The following NRAP variants were observed in gnomAD, a reference collection of about 807,000 sequenced individuals.
The protein encoded by NRAP is nebulin related anchoring protein, also known as nebulin-related-anchoring protein.
A neutral mutation model predicts 225.9 loss-of-function variants in NRAP; 189 were observed. That is an observed-to-expected ratio of 0.84 (90% CI 0.74 to 0.94). The LOEUF (loss-of-function observed/expected upper bound fraction) is 0.94. NRAP is among the 40% of genes least tolerant of loss of function. The pLI is 0.00. For missense variants in NRAP, 2,176 were observed against 2,168.7 expected (o/e 1.00, Z -0.07); for synonymous variants, 769 against 790.7 (o/e 0.97, Z 0.46).
chr10:113,626,219 A>C lies in NRAP; in HGVS notation c.2146-74T>G, dbSNP rs554381835. The C allele has an allele frequency of 1.3e-3, 1,073 of 850,204 alleles. 5 individuals carry two copies. Among genetic ancestry groups the C allele is most frequent in the African/African-American group, 6.1e-3 (359 of 58,662 alleles). 52.7% of individuals were successfully genotyped at this position (850,204 alleles called of 1,614,324 possible). ...TACCACCCTACTCATGTGCCCCCAC[A>C]CACACACACATTCTTTCTGTGGTCC... On this transcript the variant is annotated intron_variant, in intron 20 of 41. Transcript: ENST00000359988.
intron 14 of NRAP, among the ~76,000 whole-genome samples, chr10:113,635,014 G>A (rs1848787076): frequency 6.6e-6 from 1 of 152,172 alleles, no homozygotes; most frequent in Admixed American, 6.5e-5. Flanking sequence ...TTTCGTAGAA[G>A]ATGCAGGTTC....
intron 9 of NRAP, among the ~76,000 whole-genome samples, chr10:113,648,425 C>G (rs960066278): frequency 1.7e-5 from 2 of 117,096 alleles, no homozygotes; most frequent in Non-Finnish European, 1.9e-5. Context: ...GTGTTTGTAA[C>G]TTTATTTTAG....
chr10:113,617,507 T>C lies in NRAP; in HGVS notation c.2921A>G (p.Lys974Arg). ...HPDALKFTSI[K>R]DTPEMVQARI... The stretch of plus-strand genomic sequence containing the variant: ...GGCCTGGACCATCTCCGGAGTGTCT[T>C]TAATACTGGTAAACTTCAAAGCATC... Residue 974 changes from lysine (K) to arginine (R), a missense_variant, in exon 26 of 42, where the codon AAA (lysine) becomes AGA (arginine). Physicochemically the swap from Lys to Arg is conservative, Grantham distance 26. This residue lies in a region of NRAP where 1,708 missense variants were observed against 1,695.5 expected (regional missense o/e 1.01). Transcript: ENST00000359988. The C allele has an allele frequency of 6.2e-7, 1 of 1,613,014 alleles. No homozygotes were observed. The highest frequency in any genetic ancestry group is 8.5e-7 in the Non-Finnish European group (1 of 1,179,044).
intron 35 of NRAP, among the ~76,000 whole-genome samples, chr10:113,601,624 A>G (rs1428739247): frequency 6.6e-6 from 1 of 152,258 alleles, no homozygotes; most frequent in African/African-American, 2.4e-5. Flanking sequence ...AAGATTGCCA[A>G]CTACAATTTC....
intron 1 of NRAP, 104 bp downstream of exon 1, chr10:113,663,707 A>C (rs1455221804): frequency 1.5e-5 from 13 of 864,194 alleles, no homozygotes; most frequent in Non-Finnish European, 2.5e-5. Flanking sequence ...GTTCAAAACA[A>C]TTTAACTGAA....
chr10:113,612,623 C>T (rs1847401669), intron 29 of NRAP, among the ~76,000 whole-genome samples, 192 bp from the exon 30 acceptor site: 3 of 152,152 alleles, frequency 2.0e-5, no homozygotes, highest in Non-Finnish European at 4.4e-5. Flanking sequence ...ACTTACCACC[C>T]CCAGCTCCTG....
chr10:113,594,776 T>C (rs1846191324), intron 38 of NRAP, among the ~76,000 whole-genome samples: 1 of 152,198 alleles, frequency 6.6e-6, no homozygotes, highest in South Asian at 2.1e-4. Flanking sequence ...AAGGCGCCTC[T>C]CGCCAATCCC....
chr10:113,636,967 A>G (rs1432795585), intron 14 of NRAP, among the ~76,000 whole-genome samples: 1 of 139,920 alleles, frequency 7.1e-6, no homozygotes, highest in African/African-American at 2.7e-5. Flanking sequence ...CGATCATGCC[A>G]CTGCTCTCCA....
intron 12 of NRAP, among the ~76,000 whole-genome samples, chr10:113,642,123 T>C (rs1002005953): frequency 6.6e-6 from 1 of 152,182 alleles, no homozygotes; most frequent in South Asian, 2.1e-4. Flanking sequence ...TTAAACAGAA[T>C]ACTACTTATG....
rs780368142 is a variant in NRAP, at chr10:113,626,121, C to T, written c.2170G>A (p.Glu724Lys). 5 of 1,610,342 alleles carry T rather than the reference C, an allele frequency of 3.1e-6. No individual in the cohort carries two copies. In the Admixed American group the frequency reaches 6.7e-5, roughly 22 times the overall value. Reference protein sequence around the residue: ...SEKNYRQRVDELKFTSVTDSS... With the variant: ...SEKNYRQRVDKLKFTSVTDSS... ...TCGGTCACGCTGGTGAACTTCAGCTCATCGACCCTCTGCCGGTAGTTTTTC... is the reference window on the plus strand; with the variant it reads ...TCGGTCACGCTGGTGAACTTCAGCTTATCGACCCTCTGCCGGTAGTTTTTC... The change falls in exon 21 of 42, where the codon GAG becomes AAG. Residue 724 changes from glutamate (E) to lysine (K), a missense_variant. Around this residue, in one of 3 missense-constraint regions of NRAP, gnomAD observed 1,708 missense variants for 1,695.5 expected, o/e 1.01. Transcript: ENST00000359988.
At chr10:113,643,496 C>T (rs2134109048) in intron 11 of NRAP, among the ~76,000 whole-genome samples, 1 of 152,324 alleles carries the variant, frequency 6.6e-6, no homozygotes, top group East Asian at 1.9e-4. Flanking sequence ...ATGATGTATG[C>T]ACATCTTTAT....
At chr10:113,652,359 C>T (rs1001265921) in intron 6 of NRAP, among the ~76,000 whole-genome samples, 4 of 152,068 alleles carry the variant, frequency 2.6e-5, no homozygotes, top group Non-Finnish European at 5.9e-5. Context: ...TTAGTGTCTT[C>T]GGCTGGCTGT....
intron 9 of NRAP, among the ~76,000 whole-genome samples, chr10:113,648,576 A>G (rs908306935): frequency 6.6e-6 from 1 of 151,732 alleles, no homozygotes; most frequent in Non-Finnish European, 1.5e-5. Flanking sequence ...TACTTGTTAA[A>G]AAGAAGAATG....
intron 26 of NRAP, among the ~76,000 whole-genome samples, chr10:113,616,369 G>A (rs1847663105): frequency 6.6e-6 from 1 of 152,190 alleles, no homozygotes; most frequent in Non-Finnish European, 1.5e-5. Flanking sequence ...AGCCACCAGA[G>A]AAAGTTTCCA....
chr10:113,590,019 T>C (rs1478166240), intron 40 of NRAP, among the ~76,000 whole-genome samples: 1 of 152,216 alleles, frequency 6.6e-6, no homozygotes, highest in Non-Finnish European at 1.5e-5. Context: ...CTCTTGCATC[T>C]TCCCATTCAA....
At chr10:113,657,162 G>C (rs530494369) in intron 4 of NRAP, among the ~76,000 whole-genome samples, 3 of 152,222 alleles carry the variant, frequency 2.0e-5, no homozygotes, top group African/African-American at 4.8e-5. Context: ...AGATCAGAAC[G>C]GGGAGAGTGG....
intron 3 of NRAP, among the ~76,000 whole-genome samples, chr10:113,658,881 C>CAAAAAA (rs57340533): frequency 2.6e-5 from 2 of 78,160 alleles, no homozygotes; most frequent in African/African-American, 8.0e-5. Context: ...GACCCTGTCT[C>CAAAAAA]AAAAAAAAAA....
At chr10:113,629,169 T>TG (rs1848440501) in intron 19 of NRAP, 148 bp from the exon 20 acceptor site, 1 of 685,192 alleles carries the variant, frequency 1.5e-6, no homozygotes, top group Non-Finnish European at 2.6e-6. Context: ...GATCTCCACT[T>TG]GGGAGGTACA....
chr10:113,604,490 G>A, intron 35 of NRAP, 119 bp downstream of exon 35: 2 of 756,650 alleles, frequency 2.6e-6, no homozygotes, highest in East Asian at 2.7e-5. Context: ...CATTGTTTGG[G>A]GAAGGCAGAT....
Sources: allele counts gnomAD v4.1 joint callset (sites outside exome capture counted in the v4.1 genomes callset), GRCh38; gene constraint gnomAD v4.1.1; regional missense constraint gnomAD v4.1.1; transcripts MANE v1.5; gene names NCBI Gene and HGNC (gene_info 2026-07-23, HGNC 2026-07-21).